Variants in FNDC3B observed in about 807,000 individuals in gnomAD.
FNDC3B encodes the protein fibronectin type III domain containing 3B.
A neutral mutation model predicts 151.5 loss-of-function variants in FNDC3B; 12 were observed. The ratio of observed to expected loss-of-function variants is 0.08; its 90% CI spans 0.05 to 0.13. The LOEUF (loss-of-function observed/expected upper bound fraction) is 0.13. FNDC3B is among the 10% of genes least tolerant of loss of function. The pLI is 1.00. For missense variants in FNDC3B, 1,214 were observed against 1,505.3 expected (o/e 0.81, Z 3.20); for synonymous variants, 528 against 549.0 (o/e 0.96, Z 0.54).
At position 172,399,764 on chromosome 3, in the gene FNDC3B, G is replaced by C. The variant is rs1736480273; in HGVS notation, c.*2289G>C. 1 of 152,550 alleles carries C rather than the reference G, an allele frequency of 6.6e-6. No individual in the cohort carries two copies. The highest frequency in any genetic ancestry group is 1.5e-5 in the Non-Finnish European group (1 of 68,020). The allele number at this position is 152,550 out of a possible 1,614,324, so 9.4% of individuals were successfully genotyped here. On this transcript the variant is annotated 3_prime_UTR_variant, in exon 26 of 26. Coordinates refer to ENST00000415807, the MANE Select transcript of FNDC3B (RefSeq NM_022763.4). ...TCAACTGAGTACAAAGCCCCCTCTT[G>C]GGGGGTTGGGGAAGTCTCTTTTTTG...
rs567222534 is a variant in FNDC3B, at chr3:172,296,792, T to A, written c.1001+1278T>A. ...TGCACGGACCCACTTATGCACGGAT[T>A]CCTTGTCAGCCACATGCAGACCAGA... is the stretch of plus-strand genomic sequence containing the variant. On this transcript the variant is annotated intron_variant, in intron 8 of 25. Coordinates refer to ENST00000415807, the MANE Select transcript of FNDC3B (RefSeq NM_022763.4). 2.0e-5 allele frequency among the ~76,000 whole-genome samples: 3 copies of A among 152,310 alleles called. No homozygotes were observed. In the East Asian group the frequency reaches 5.8e-4, roughly 29 times the overall value.
intron 11 of FNDC3B, among the ~76,000 whole-genome samples, chr3:172,321,342 G>A (rs982358979): frequency 6.6e-6 from 1 of 152,202 alleles, no homozygotes; most frequent in Non-Finnish European, 1.5e-5. Context: ...TAACTGCATA[G>A]CTGTTGATTG....
chr3:172,230,577 A>G (rs138624780), intron 4 of FNDC3B, among the ~76,000 whole-genome samples: 172 of 152,296 alleles, frequency 1.1e-3, no homozygotes, highest in Non-Finnish European at 2.0e-3. Flanking sequence ...TGTACAAACA[A>G]TATGTTTCAG....
At chr3:172,128,970 G>A (rs1720936571) in intron 2 of FNDC3B, among the ~76,000 whole-genome samples, 1 of 152,152 alleles carries the variant, frequency 6.6e-6, no homozygotes, top group Admixed American at 6.5e-5. Context: ...TCTTCTCCCA[G>A]GAGGAGCTTT....
chr3:172,140,742 A>G (rs1168854533), intron 3 of FNDC3B, among the ~76,000 whole-genome samples: 1 of 152,248 alleles, frequency 6.6e-6, no homozygotes, highest in Non-Finnish European at 1.5e-5. Context: ...CGTCAATACC[A>G]AACTATGTTG....
intron 1 of FNDC3B, among the ~76,000 whole-genome samples, chr3:172,052,246 G>GTT (rs10665367): frequency 0.48 from 70,358 of 147,296 alleles, 18,439 homozygotes; most frequent in East Asian, 0.58. Flanking sequence ...ATTTTTGTGG[G>GTT]TTTTTTTTTT....
At chr3:172,300,606 A>C (rs1419262571) in intron 9 of FNDC3B, among the ~76,000 whole-genome samples, 1 of 152,176 alleles carries the variant, frequency 6.6e-6, no homozygotes, top group East Asian at 1.9e-4. Context: ...ACAGGATGGG[A>C]GCATGACGTG....
intron 4 of FNDC3B, among the ~76,000 whole-genome samples, chr3:172,244,780 A>T (rs961070380): frequency 6.6e-6 from 1 of 151,860 alleles, no homozygotes; most frequent in Admixed American, 6.6e-5. Flanking sequence ...CCACGCTGCC[A>T]CACCCTGCTA....
chr3:172,154,226 T>C (rs183081796), intron 3 of FNDC3B, among the ~76,000 whole-genome samples: 3 of 151,540 alleles, frequency 2.0e-5, no homozygotes, highest in African/African-American at 7.3e-5. Context: ...TAATGGTTTC[T>C]TTTTTTTTGA....
chr3:172,254,010 C>T (rs1305931320), intron 6 of FNDC3B, among the ~76,000 whole-genome samples: 1 of 152,128 alleles, frequency 6.6e-6, no homozygotes, highest in Non-Finnish European at 1.5e-5. Context: ...AAACTCATGA[C>T]CTCAGGTGAT....
chr3:172,114,880 A>G (rs921135549), intron 2 of FNDC3B, among the ~76,000 whole-genome samples: 2 of 152,232 alleles, frequency 1.3e-5, no homozygotes, highest in Non-Finnish European at 2.9e-5. Flanking sequence ...CACTTAAAAA[A>G]TCTCACAAGA....
At chr3:172,236,392 C>T (rs1418276165) in intron 4 of FNDC3B, among the ~76,000 whole-genome samples, 1 of 152,138 alleles carries the variant, frequency 6.6e-6, no homozygotes, top group Non-Finnish European at 1.5e-5. Flanking sequence ...GATTCCTCAG[C>T]TAGAATTTAG....
At chr3:172,217,031 G>A (rs1382431907) in intron 3 of FNDC3B, among the ~76,000 whole-genome samples, 5 of 152,090 alleles carry the variant, frequency 3.3e-5, no homozygotes, top group African/African-American at 9.7e-5. Context: ...GGGTCTCCCC[G>A]TCCCCCACAT....
At chr3:172,156,286 G>C (rs1479197005) in intron 3 of FNDC3B, among the ~76,000 whole-genome samples, 2 of 152,160 alleles carry the variant, frequency 1.3e-5, no homozygotes, top group African/African-American at 2.4e-5. Context: ...TAGAACTAAG[G>C]CTGTCATTTG....
intron 21 of FNDC3B, among the ~76,000 whole-genome samples, chr3:172,349,528 C>T (rs534680905): frequency 3.9e-5 from 6 of 152,124 alleles, no homozygotes; most frequent in Non-Finnish European, 8.8e-5. Context: ...GAAATGTTTT[C>T]CATAGAGCCA....
At chr3:172,097,318 T>C (rs1719139976) in intron 1 of FNDC3B, among the ~76,000 whole-genome samples, 1 of 152,242 alleles carries the variant, frequency 6.6e-6, no homozygotes, top group African/African-American at 2.4e-5. Context: ...TTTGTAAATG[T>C]TACCAAATCT....
chr3:172,370,933 A>G (rs919768360), intron 23 of FNDC3B, among the ~76,000 whole-genome samples: 1 of 152,214 alleles, frequency 6.6e-6, no homozygotes, highest in Admixed American at 6.5e-5. Context: ...GTTACAGCTG[A>G]TGAACAGACA....
chr3:172,169,991 G>T (rs867349895), intron 3 of FNDC3B, among the ~76,000 whole-genome samples: 1 of 152,068 alleles, frequency 6.6e-6, no homozygotes. Flanking sequence ...TTTCTGTCCC[G>T]TCCTCTGCTG....
chr3:172,338,586 T>A (rs531156191), intron 16 of FNDC3B, among the ~76,000 whole-genome samples: 56 of 152,344 alleles, frequency 3.7e-4, no homozygotes, highest in South Asian at 3.1e-3. Flanking sequence ...ATAAAATTCC[T>A]TAGTGCCTTT....
Sources: allele counts gnomAD v4.1 joint callset (sites outside exome capture counted in the v4.1 genomes callset), GRCh38; gene constraint gnomAD v4.1.1; transcripts MANE v1.5; gene names NCBI Gene and HGNC (gene_info 2026-07-23, HGNC 2026-07-21).